RALYL: variants seen among roughly 807,000 people sequenced by gnomAD.
RALYL encodes RNA-binding Raly-like protein.
In RALYL, 29 loss-of-function variants were observed where a neutral mutation model predicts 35.1. The observed-to-expected ratio is 0.83, with a 90% CI of 0.61 to 1.13. RALYL has a LOEUF of 1.13. Ranked by LOEUF, RALYL falls within the 50% of genes most tolerant of loss-of-function variation. RALYL has a pLI of 0.00. For synonymous variants in RALYL, 120 were observed against 127.6 expected (o/e 0.94, Z 0.40); for missense variants, 359 against 360.4 (o/e 1.00, Z 0.03).
chr8:84,432,273 A>G (rs2047224873), intron 1 of RALYL, among the ~76,000 whole-genome samples: 1 of 152,166 alleles, frequency 6.6e-6, no homozygotes, highest in Admixed American at 6.6e-5. Flanking sequence ...GAAATAATCC[A>G]TGCAAAGAAA....
At position 84,580,429 on chromosome 8, in the gene RALYL, T is replaced by C. The variant is rs1016899898; in HGVS notation, c.256+50852T>C. 5.3e-5 allele frequency among the ~76,000 whole-genome samples: 8 copies of C among 152,230 alleles called. No individual in the cohort carries two copies. In the Middle Eastern group the frequency reaches 0.01, roughly 196 times the overall value. ...GGCAGCTTTCACTCAAAGTGGAAGATAAAGTGGACCAGCATGTGCAGAGAA... is the reference window on the plus strand; with the variant it reads ...GGCAGCTTTCACTCAAAGTGGAAGACAAAGTGGACCAGCATGTGCAGAGAA... On this transcript the variant is annotated intron_variant, in intron 2 of 8. Coordinates refer to ENST00000521268, the MANE Select transcript of RALYL (RefSeq NM_173848.7).
At chr8:84,283,511 C>T (rs896540531) in intron 1 of RALYL, among the ~76,000 whole-genome samples, 8 of 152,218 alleles carry the variant, frequency 5.3e-5, no homozygotes, top group Non-Finnish European at 7.4e-5. Flanking sequence ...AGGTAGCATC[C>T]ATCTGGGGAC....
intron 3 of RALYL, among the ~76,000 whole-genome samples, chr8:84,795,126 T>C (rs546147871): frequency 2.8e-4 from 42 of 152,240 alleles, no homozygotes; most frequent in Middle Eastern, 3.4e-3. Context: ...TCACAGGAAA[T>C]AGAGGGGAAA....
At chr8:84,326,081 C>T (rs112245316) in intron 1 of RALYL, among the ~76,000 whole-genome samples, 1 of 152,106 alleles carries the variant, frequency 6.6e-6, no homozygotes, top group Admixed American at 6.6e-5. Context: ...CACTGTACTC[C>T]AGCCTGGGCC....
At position 84,350,686 on chromosome 8, in the gene RALYL, T is replaced by G. The variant is rs188009920; in HGVS notation, c.-24+166262T>G. Among the ~76,000 whole-genome samples the G allele has an allele frequency of 7.1e-3, 1,069 of 150,350 alleles. 59 individuals carry two copies. Among genetic ancestry groups the G allele is most frequent in the Non-Finnish European group, 9.9e-3 (668 of 67,670 alleles). On this transcript the variant is annotated intron_variant, in intron 1 of 8. Coordinates refer to ENST00000521268, the MANE Select transcript of RALYL (RefSeq NM_173848.7). ...ACAAGAGGCCCCTTCTCATTATTAT[T>G]GGGACAATACTGCCAAATAAGCAAA... is the stretch of plus-strand genomic sequence containing the variant.
At chr8:84,499,452 A>T (rs929089248) in intron 1 of RALYL, among the ~76,000 whole-genome samples, 2 of 152,176 alleles carry the variant, frequency 1.3e-5, no homozygotes, top group South Asian at 4.1e-4. Flanking sequence ...AGATCTGAAG[A>T]TTATTTTTAA....
intron 1 of RALYL, among the ~76,000 whole-genome samples, chr8:84,335,809 C>T (rs1028575921): frequency 6.9e-6 from 1 of 144,750 alleles, no homozygotes; most frequent in African/African-American, 2.6e-5. Context: ...GAGCATGTGC[C>T]CTGCTATTTT....
At chr8:84,598,224 T>C (rs866525032) in intron 2 of RALYL, among the ~76,000 whole-genome samples, 2 of 152,144 alleles carry the variant, frequency 1.3e-5, no homozygotes, top group Non-Finnish European at 2.9e-5. Flanking sequence ...TGGGTTACAG[T>C]GGTGCAGTCA....
chr8:84,332,730 A>G (rs756060429), intron 1 of RALYL, among the ~76,000 whole-genome samples: 2 of 152,036 alleles, frequency 1.3e-5, no homozygotes, highest in African/African-American at 2.4e-5. Flanking sequence ...TGACCTTTAC[A>G]AGAGGATCCA....
chr8:84,317,304 A>G (rs1364992362), intron 1 of RALYL, among the ~76,000 whole-genome samples: 1 of 152,144 alleles, frequency 6.6e-6, no homozygotes, highest in Non-Finnish European at 1.5e-5. Flanking sequence ...GACTTTTATT[A>G]TTGTACTTTC....
chr8:84,350,191 TC>T (rs1850628021), intron 1 of RALYL, among the ~76,000 whole-genome samples: 1 of 150,324 alleles, frequency 6.7e-6, no homozygotes. Context: ...ATGACCAATA[TC>T]CACCACAGTT....
At chr8:84,742,898 C>A (rs1451774146) in intron 2 of RALYL, among the ~76,000 whole-genome samples, 1 of 151,920 alleles carries the variant, frequency 6.6e-6, no homozygotes, top group Non-Finnish European at 1.5e-5. Flanking sequence ...ATAAGGGGAA[C>A]AATAGTTGAA....
At chr8:84,825,042 C>A (rs557906887) in intron 4 of RALYL, among the ~76,000 whole-genome samples, 5 of 152,170 alleles carry the variant, frequency 3.3e-5, no homozygotes, top group African/African-American at 1.2e-4. Context: ...GCAAGAGAAA[C>A]TATCAAGGAA....
At chr8:84,539,923 TACAC>T (rs374222246) in intron 2 of RALYL, among the ~76,000 whole-genome samples, 70 of 142,318 alleles carry the variant, frequency 4.9e-4, no homozygotes, top group African/African-American at 1.0e-3. Flanking sequence ...TGCACAGACA[TACAC>T]ACACACACAC....
chr8:84,520,607 C>G (rs2058388143), intron 1 of RALYL, among the ~76,000 whole-genome samples: 1 of 152,172 alleles, frequency 6.6e-6, no homozygotes, highest in Non-Finnish European at 1.5e-5. Context: ...CAGGGCTGCA[C>G]AGCAGGAGGT....
At position 84,236,952 on chromosome 8, in the gene RALYL, A is replaced by G. The variant is rs1227304605; in HGVS notation, c.-24+52528A>G. ...TAATTAGCACCTAATTAGTAAGTAA[A>G]TGTATTTGGTTCTTAGATGGTGAAC... On this transcript the variant is annotated intron_variant, in intron 1 of 8. Transcript: ENST00000521268. Among the ~76,000 whole-genome samples, 14 of 152,332 alleles carry G rather than the reference A, an allele frequency of 9.2e-5. No individual in the cohort carries two copies. The East Asian group carries it at 2.1e-3, about 23-fold the overall frequency.
Position 84,356,747 on chromosome 8 carries a change from T to G in RALYL, c.-24+172323T>G, listed in dbSNP as rs139037233. Among the ~76,000 whole-genome samples the G allele has an allele frequency of 4.6e-4, 69 of 150,392 alleles. 7 individuals are homozygous for G. The highest frequency in any genetic ancestry group is 1.5e-4 in the Non-Finnish European group (10 of 67,700). On this transcript the variant is annotated intron_variant, in intron 1 of 8. Transcript: ENST00000521268. ...TTTTGATTAGTAATCTGAAATGAAATTTACAGATGTAATTTACCTACACAC... is the reference window on the plus strand; with the variant it reads ...TTTTGATTAGTAATCTGAAATGAAAGTTACAGATGTAATTTACCTACACAC...
At chr8:84,201,432 G>A (rs1056360773) in intron 1 of RALYL, among the ~76,000 whole-genome samples, 1 of 152,086 alleles carries the variant, frequency 6.6e-6, no homozygotes, top group South Asian at 2.1e-4. Flanking sequence ...GTATGTAAGG[G>A]TAATATAACC....
chr8:84,654,129 T>C (rs973951660), intron 2 of RALYL, among the ~76,000 whole-genome samples: 2 of 149,320 alleles, frequency 1.3e-5, no homozygotes, highest in African/African-American at 2.4e-5. Context: ...CAAAAATATA[T>C]ACATATATGT....
Sources: gnomAD v4.1 joint callset for allele counts (sites outside exome capture counted in the v4.1 genomes callset) on GRCh38, gnomAD v4.1.1 for gene constraint, MANE v1.5 for transcripts, NCBI Gene and HGNC (gene_info 2026-07-23, HGNC 2026-07-21) for gene names.